Variants in KCNH7 observed in about 807,000 individuals in gnomAD.
KCNH7 encodes voltage-gated inwardly rectifying potassium channel KCNH7.
Under a neutral mutation model 120.8 loss-of-function variants are expected in KCNH7, and 49 were observed. The observed-to-expected ratio is 0.41, with a 90% confidence interval of 0.32 to 0.51. The LOEUF (loss-of-function observed/expected upper bound fraction) is 0.51. Ranked by LOEUF, KCNH7 falls within the 20% of genes least tolerant of loss-of-function variation. The pLI, the probability that KCNH7 is intolerant of heterozygous loss-of-function variation, is 0.38. For missense variants in KCNH7, 1,097 were observed against 1,446.6 expected, an observed-to-expected ratio of 0.76 and a Z score of 3.92; for synonymous variants, 547 against 516.1, an observed-to-expected ratio of 1.06 and a Z score of -0.81.
chr2:162,715,278 C>T (rs552934524), intron 2 of KCNH7, among the ~76,000 whole-genome samples: 13 of 152,146 alleles, frequency 8.5e-5, no homozygotes, highest in East Asian at 1.9e-4. Flanking sequence ...AAAGCAGGAG[C>T]AAAGAAGTGG....
intron 2 of KCNH7, among the ~76,000 whole-genome samples, chr2:162,779,019 A>T (rs781432824): frequency 1.3e-5 from 2 of 151,778 alleles, no homozygotes; most frequent in Non-Finnish European, 2.9e-5. Context: ...GTGAAATCCA[A>T]AAAAAACTTT....
At chr2:162,480,057 G>A (rs1193973249) in intron 6 of KCNH7, among the ~76,000 whole-genome samples, 3 of 152,048 alleles carry the variant, frequency 2.0e-5, no homozygotes, top group Non-Finnish European at 4.4e-5. Context: ...TAAGACATTA[G>A]GAGAGGAAAG....
intron 11 of KCNH7, among the ~76,000 whole-genome samples, chr2:162,395,729 A>G (rs77073449): frequency 0.019 from 2,946 of 151,858 alleles, 89 homozygotes; most frequent in African/African-American, 0.067. Context: ...AAAAAGAAAT[A>G]ATTATCTGAA....
At chr2:162,804,022 G>C (rs1489912828) in intron 2 of KCNH7, among the ~76,000 whole-genome samples, 1 of 151,780 alleles carries the variant, frequency 6.6e-6, no homozygotes, top group Admixed American at 6.6e-5. Context: ...AGTAAAATTA[G>C]AATAATGTTA....
chr2:162,755,378 A>T (rs1218832764), intron 2 of KCNH7, among the ~76,000 whole-genome samples: 1 of 152,164 alleles, frequency 6.6e-6, no homozygotes. Flanking sequence ...AGGCTGAGGC[A>T]GGAAAATCAC....
chr2:162,452,161 A>G (rs150815406), intron 6 of KCNH7, among the ~76,000 whole-genome samples: 141 of 152,136 alleles, frequency 9.3e-4, no homozygotes, highest in African/African-American at 3.2e-3. Flanking sequence ...GAGTTGGGGG[A>G]GAAGAAGGAG....
At chr2:162,522,562 T>A (rs961690692) in intron 3 of KCNH7, among the ~76,000 whole-genome samples, 4 of 151,904 alleles carry the variant, frequency 2.6e-5, no homozygotes, top group Non-Finnish European at 5.9e-5. Flanking sequence ...ATGAGTGTAA[T>A]CCTGTTATGG....
intron 2 of KCNH7, among the ~76,000 whole-genome samples, chr2:162,681,171 T>G (rs1426802372): frequency 6.6e-6 from 1 of 151,728 alleles, no homozygotes; most frequent in African/African-American, 2.4e-5. Context: ...AATAAAGTGA[T>G]AGTTAAGTGT....
At chr2:162,618,832 G>A (rs752144440) in intron 2 of KCNH7, among the ~76,000 whole-genome samples, 1 of 152,116 alleles carries the variant, frequency 6.6e-6, no homozygotes, top group Non-Finnish European at 1.5e-5. Context: ...CCATCATAAC[G>A]ATTAATTAAA....
intron 4 of KCNH7, 129 bp downstream of exon 4, chr2:162,517,601 T>G: frequency 1.3e-6 from 1 of 799,840 alleles, no homozygotes; most frequent in Non-Finnish European, 1.9e-6. Context: ...GGACTCAGGT[T>G]TTTAATAGCC....
At chr2:162,514,436 A>G (rs1691213554) in intron 4 of KCNH7, among the ~76,000 whole-genome samples, 1 of 151,758 alleles carries the variant, frequency 6.6e-6, no homozygotes, top group Non-Finnish European at 1.5e-5. Flanking sequence ...AGATTTACCA[A>G]TTCCAAGAAA....
intron 6 of KCNH7, among the ~76,000 whole-genome samples, chr2:162,457,608 C>G (rs1206215961): frequency 2.0e-5 from 3 of 152,118 alleles, no homozygotes; most frequent in Admixed American, 1.3e-4. Context: ...GGATTAGTAA[C>G]TACTCTTCAC....
intron 2 of KCNH7, among the ~76,000 whole-genome samples, chr2:162,790,048 G>C (rs961067037): frequency 3.3e-5 from 5 of 151,388 alleles, no homozygotes; most frequent in Admixed American, 2.0e-4. Flanking sequence ...AATAAAAATA[G>C]GAGTTGTTTT....
At chr2:162,558,503 C>CTTTT (rs71410015) in intron 2 of KCNH7, among the ~76,000 whole-genome samples, 4,489 of 80,626 alleles carry the variant, frequency 0.056, 562 homozygotes, top group African/African-American at 0.21. Context: ...TTCTCAATGG[C>CTTTT]TTTTTTTTTT....
intron 2 of KCNH7, among the ~76,000 whole-genome samples, chr2:162,664,742 T>C (rs1209967725): frequency 6.6e-6 from 1 of 152,166 alleles, no homozygotes; most frequent in African/African-American, 2.4e-5. Context: ...ATGGGCAATA[T>C]TGTTTTCAGT....
chr2:162,714,311 A>T (rs1009470606), intron 2 of KCNH7, among the ~76,000 whole-genome samples: 11 of 152,158 alleles, frequency 7.2e-5, no homozygotes, highest in Non-Finnish European at 1.3e-4. Flanking sequence ...ACTAAGACTC[A>T]TATCAGTTAA....
Position 162,820,356 on chromosome 2 carries a change from G to A in KCNH7, c.307+16181C>T, listed in dbSNP as rs368376957. ...TCCCAAAACTGCTGGGATTACAGGC[G>A]TGAGCCACCACGCACAGCCTATTCC... On this transcript the variant is annotated intron_variant, in intron 2 of 15. Transcript: ENST00000332142. Among the ~76,000 whole-genome samples the A allele has an allele frequency of 2.5e-4, 38 of 151,964 alleles. No individual in the cohort carries two copies. The South Asian group carries it at 7.5e-3, about 30-fold the overall frequency.
intron 2 of KCNH7, among the ~76,000 whole-genome samples, chr2:162,744,974 C>A (rs1055400100): frequency 6.6e-6 from 1 of 152,140 alleles, no homozygotes; most frequent in Admixed American, 6.5e-5. Context: ...TGGCTGGTTC[C>A]CACATACAAG....
chr2:162,767,098 A>C (rs1682847896), intron 2 of KCNH7, among the ~76,000 whole-genome samples: 1 of 152,150 alleles, frequency 6.6e-6, no homozygotes, highest in South Asian at 2.1e-4. Context: ...CCATAATATG[A>C]ATGTAAAATA....
Sources: gnomAD v4.1 joint callset for allele counts (sites outside exome capture counted in the v4.1 genomes callset) on GRCh38, gnomAD v4.1.1 for gene constraint, MANE v1.5 for transcripts, NCBI Gene and HGNC (gene_info 2026-07-23, HGNC 2026-07-21) for gene names.